The following NPSR1 variants were observed in gnomAD, a reference collection of about 807,000 sequenced individuals.
NPSR1 encodes the protein neuropeptide S receptor.
NPSR1 carries 48 observed loss-of-function variants against 46.9 expected under a neutral mutation model. The ratio of observed to expected loss-of-function variants is 1.02; its 90% CI spans 0.81 to 1.30. The LOEUF is 1.30. NPSR1 is among the 50% of genes most tolerant of loss of function. The pLI, the probability that NPSR1 is intolerant of heterozygous loss-of-function variation, is 0.00. For synonymous variants in NPSR1, 176 were observed against 168.1 expected (o/e 1.05, Z -0.36); for missense variants, 450 against 449.5 (o/e 1.00, Z -0.01).
chr7:34,725,758 A>G (rs1784114264), intron 2 of NPSR1, among the ~76,000 whole-genome samples: 1 of 152,224 alleles, frequency 6.6e-6, no homozygotes, highest in South Asian at 2.1e-4. Context: ...CATCGGATAA[A>G]GGACTATTGA....
At chr7:34,813,992 G>A (rs1035431683) in intron 4 of NPSR1, among the ~76,000 whole-genome samples, 5 of 152,212 alleles carry the variant, frequency 3.3e-5, no homozygotes, top group South Asian at 2.1e-4. Context: ...CAGCATGATC[G>A]ATGCAGAAGA....
intron 7 of NPSR1, among the ~76,000 whole-genome samples, chr7:34,847,494 C>G (rs1180698634): frequency 6.6e-6 from 1 of 151,902 alleles, no homozygotes; most frequent in Non-Finnish European, 1.5e-5. Context: ...AGCTGGAGAC[C>G]CAGGAAAGCC....
intron 2 of NPSR1, among the ~76,000 whole-genome samples, chr7:34,721,468 G>A (rs887653296): frequency 6.6e-6 from 1 of 152,074 alleles, no homozygotes; most frequent in Non-Finnish European, 1.5e-5. Context: ...TAATTAGAAC[G>A]AGACCCCACC....
intron 3 of NPSR1, among the ~76,000 whole-genome samples, chr7:34,798,452 T>C (rs1257917937): frequency 6.6e-6 from 1 of 152,060 alleles, no homozygotes; most frequent in East Asian, 1.9e-4. Flanking sequence ...GGAGAATCTC[T>C]TGAACCCGGA....
At chr7:34,858,060 AGCATCAGAAAT>A (rs1236797678) in intron 8 of NPSR1, among the ~76,000 whole-genome samples, 2 of 151,880 alleles carry the variant, frequency 1.3e-5, no homozygotes, top group East Asian at 3.8e-4. Flanking sequence ...GAGGATGTAC[AGCATCAGAAAT>A]GCTTATCTTG....
intron 2 of NPSR1, among the ~76,000 whole-genome samples, chr7:34,739,582 A>T (rs777120678): frequency 1.3e-5 from 2 of 152,118 alleles, no homozygotes; most frequent in Admixed American, 1.3e-4. Flanking sequence ...TTTTAGTTGC[A>T]TGTCCCACAG....
At chr7:34,695,717 A>C (rs1029316132) in intron 2 of NPSR1, among the ~76,000 whole-genome samples, 3 of 152,132 alleles carry the variant, frequency 2.0e-5, no homozygotes, top group African/African-American at 4.8e-5. Flanking sequence ...CAATATCACT[A>C]ATCATCAGAG....
At chr7:34,849,311 T>C in intron 8 of NPSR1, 3 of 1,524,358 alleles carry the variant, frequency 2.0e-6, no homozygotes, top group Non-Finnish European at 2.7e-6. Flanking sequence ...AGCTTCTTCA[T>C]CTGTAAAACA....
chr7:34,671,918 G>C (rs1406848864), intron 1 of NPSR1, among the ~76,000 whole-genome samples: 1 of 152,134 alleles, frequency 6.6e-6, no homozygotes, highest in Admixed American at 6.5e-5. Context: ...AAGTTTCTCA[G>C]ACACTTTCCC....
At chr7:34,831,921 T>G (rs1790139741) in intron 5 of NPSR1, among the ~76,000 whole-genome samples, 1 of 152,064 alleles carries the variant, frequency 6.6e-6, no homozygotes, top group Non-Finnish European at 1.5e-5. Context: ...ATTCATTTAT[T>G]TTGCTTAGGA....
chr7:34,794,619 A>G (rs567352856), intron 3 of NPSR1, among the ~76,000 whole-genome samples: 2 of 152,300 alleles, frequency 1.3e-5, no homozygotes, highest in Non-Finnish European at 2.9e-5. Flanking sequence ...TTAGGAAAGA[A>G]AACTACACCA....
chr7:34,785,533 A>ATAATAC (rs1554329416), intron 3 of NPSR1, among the ~76,000 whole-genome samples: 2 of 151,766 alleles, frequency 1.3e-5, no homozygotes, highest in South Asian at 4.2e-4. Context: ...AAGTATAATA[A>ATAATAC]AAAAAGAAAG....
At chr7:34,820,378 T>C (rs1434677816) in intron 4 of NPSR1, among the ~76,000 whole-genome samples, 1 of 152,190 alleles carries the variant, frequency 6.6e-6, no homozygotes, top group Non-Finnish European at 1.5e-5. Context: ...GTCTGTTTTG[T>C]GAAGGGTTGA....
chr7:34,777,902 G>T (rs892270278), intron 2 of NPSR1, among the ~76,000 whole-genome samples: 3 of 152,062 alleles, frequency 2.0e-5, no homozygotes, highest in Admixed American at 6.6e-5. Flanking sequence ...ATTCAACCAA[G>T]TATATTAATT....
chr7:34,689,604 C>CAAAAAAAAAAAAAAAAAAAAAAAAAAA (rs869170591), intron 2 of NPSR1, among the ~76,000 whole-genome samples: 2 of 36,688 alleles, frequency 5.5e-5, no homozygotes, highest in African/African-American at 1.0e-4. Flanking sequence ...GACTCTGTCT[C>CAAAAAAAAAAAAAAAAAAAAAAAAAAA]AAAAAAAAAA....
chr7:34,839,962 G>A (rs1048416488), intron 6 of NPSR1, among the ~76,000 whole-genome samples: 4 of 152,056 alleles, frequency 2.6e-5, no homozygotes, highest in Non-Finnish European at 5.9e-5. Context: ...TGTGCCCTGG[G>A]GAAACAGGAA....
chr7:34,780,815 T>G (rs1215662314), intron 3 of NPSR1, among the ~76,000 whole-genome samples: 11 of 152,280 alleles, frequency 7.2e-5, no homozygotes, highest in Non-Finnish European at 7.4e-5. Flanking sequence ...AAGACTCCAC[T>G]TGCAAGGCTG....
chr7:34,710,908 G>A, intron 2 of NPSR1: 5 of 400,476 alleles, frequency 1.2e-5, no homozygotes, highest in South Asian at 1.1e-4. Flanking sequence ...GCTTATTGAT[G>A]AAAAAGTGAA....
intron 3 of NPSR1, among the ~76,000 whole-genome samples, chr7:34,792,042 A>G (rs745673775): frequency 6.6e-5 from 10 of 152,106 alleles, no homozygotes; most frequent in Admixed American, 1.3e-4. Flanking sequence ...CCCTTAACTT[A>G]TACAATACAG....
Sources: allele counts gnomAD v4.1 joint callset (sites outside exome capture counted in the v4.1 genomes callset), GRCh38; gene constraint gnomAD v4.1.1; transcripts MANE v1.5; gene names NCBI Gene and HGNC (gene_info 2026-07-23, HGNC 2026-07-21).